HDAC3: variants seen among roughly 807,000 people sequenced by gnomAD.
HDAC3 encodes the protein SMAP45.
In HDAC3, 21 loss-of-function variants were observed where a neutral mutation model predicts 62.3. That is an observed-to-expected ratio of 0.34 (90% CI 0.24 to 0.49). The LOEUF (loss-of-function observed/expected upper bound fraction) is 0.49, where lower values mean the gene tolerates loss of function less well. Ranked by LOEUF, HDAC3 falls within the 20% of genes least tolerant of loss-of-function variation. The pLI is 0.99. For missense variants in HDAC3, 270 were observed against 556.9 expected (o/e 0.48, Z 5.19); for synonymous variants, 198 against 206.5 (o/e 0.96, Z 0.35).
In HDAC3 at chr5:141,629,791, G is replaced by T; in HGVS notation, c.421-52C>A. On this transcript the variant is annotated intron_variant, in intron 5 of 14. Coordinates refer to ENST00000305264, the MANE Select transcript of HDAC3 (RefSeq NM_003883.4). This position sits in a 1 kb window ranked among gnomAD's most constrained non-coding sequence, Gnocchi z 5.3. ...GAGAAGAGCAATTCCCCTCCCAGCT[G>T]CCCCCCACCATCATCCTAAACACCT... is the stretch of plus-strand genomic sequence containing the variant. 1 of 1,610,490 alleles carries T rather than the reference G, an allele frequency of 6.2e-7. No individual in the cohort carries two copies.
At position 141,626,345 on chromosome 5, in the gene HDAC3, T is replaced by TA; in HGVS notation, c.831-63dup. Reference sequence around the variant, plus strand: ...TATCAAAAGACAAGGTAAATACCTTTAGGTATTGCCTGAAAGGAGCACAAG... The same window carrying TA: ...TATCAAAAGACAAGGTAAATACCTTTAAGGTATTGCCTGAAAGGAGCACAAG... On this transcript the variant is annotated intron_variant, in intron 10 of 14. Transcript: ENST00000305264. This position sits in a 1 kb window ranked among gnomAD's most constrained non-coding sequence, Gnocchi z 4.6. The TA allele has an allele frequency of 8.2e-7, 1 of 1,218,844 alleles. No homozygotes were observed. Among genetic ancestry groups the TA allele is most frequent in the Non-Finnish European group, 1.2e-6 (1 of 827,230 alleles). 75.5% of individuals were successfully genotyped at this position (1,218,844 alleles called of 1,614,324 possible).
chr5:141,628,678 C>A lies in HDAC3; in HGVS notation c.611-39G>T, dbSNP rs1449095487. 3 of 1,505,294 alleles carry A rather than the reference C, an allele frequency of 2.0e-6. No homozygotes were observed. The highest frequency in any genetic ancestry group is 1.4e-5 in the African/African-American group (1 of 72,616). The allele number at this position is 1,505,294 out of a possible 1,614,324, so 93.2% of individuals were successfully genotyped here. A position where few individuals can be genotyped will look rare whatever the true frequency, so the allele number is the denominator to read the frequency against. On this transcript the variant is annotated intron_variant, in intron 7 of 14. Transcript: ENST00000305264. This position sits in a 1 kb window ranked among gnomAD's most constrained non-coding sequence, Gnocchi z 4.7. ...GGTGGTGGTAGCCACACATGGGAAG[C>A]ACCCACAACCCAGCTGTTTCAGCCC... is the stretch of plus-strand genomic sequence containing the variant.
In HDAC3 at chr5:141,628,608, G is replaced by A; in HGVS notation, c.642C>T (p.Gly214=). Residue 214 remains glycine, a synonymous_variant, in exon 8 of 15, where the codon GGC becomes GGT. Coordinates refer to ENST00000305264, the MANE Select transcript of HDAC3 (RefSeq NM_003883.4). The surrounding 1 kb of genome is among the most constrained non-coding windows in gnomAD (Gnocchi z 4.7). ...GGGGCACGTTCAGACAGTAGTAGCG[G>A]CCACTCTCTGCCCCGACTTCATACA... The part of the protein sequence containing the change: ...GDMYEVGAES[G]RYYCLNVPLR... 6.2e-7 allele frequency: 1 copy of A among 1,614,048 alleles called. No individual in the cohort carries two copies. The highest frequency in any genetic ancestry group is 8.5e-7 in the Non-Finnish European group (1 of 1,179,988).
Position 141,625,990 on chromosome 5 carries a change from G to C in HDAC3, c.979+23C>G, listed in dbSNP as rs200315208. On this transcript the variant is annotated intron_variant, in intron 12 of 14. Coordinates refer to ENST00000305264, the MANE Select transcript of HDAC3 (RefSeq NM_003883.4). This position sits in a 1 kb window ranked among gnomAD's most constrained non-coding sequence, Gnocchi z 4.0. ...GGTGAGAATGGCCTTCCTGTTATGGGGGTGTTGTGGGGTGGTCCTTACCAC... is the reference window on the plus strand; with the variant it reads ...GGTGAGAATGGCCTTCCTGTTATGGCGGTGTTGTGGGGTGGTCCTTACCAC... 5.4e-4 allele frequency: 857 copies of C among 1,594,514 alleles called. 13 individuals carry two copies. The highest frequency in any genetic ancestry group is 2.8e-5 in the Non-Finnish European group (33 of 1,162,392).
rs563223401 is a variant in HDAC3 at position 141,636,190 on chromosome 5, A to G, written c.138+358T>C. ...GAGGGTAAACCTCACACCCTGATAC[A>G]GTGATATCCGCTCCCCTAACCCTAA... On this transcript the variant is annotated intron_variant, in intron 2 of 14. Transcript: ENST00000305264. 41 of 278,284 alleles carry G rather than the reference A, an allele frequency of 1.5e-4. No homozygotes were observed. The South Asian group carries it at 2.3e-3, about 16-fold the overall frequency. 17.2% of individuals were successfully genotyped at this position (278,284 alleles called of 1,614,324 possible).
In HDAC3 at chr5:141,628,207, G is replaced by A; in HGVS notation, c.692-20C>T. 6.2e-7 allele frequency: 1 copy of A among 1,609,248 alleles called. No individual in the cohort carries two copies. The highest frequency in any genetic ancestry group is 8.5e-7 in the Non-Finnish European group (1 of 1,175,656). On this transcript the variant is annotated intron_variant, in intron 8 of 14. Coordinates refer to ENST00000305264, the MANE Select transcript of HDAC3 (RefSeq NM_003883.4). This position sits in a 1 kb window ranked among gnomAD's most constrained non-coding sequence, Gnocchi z 4.7. Reference sequence around the variant, plus strand: ...TGTAACCTGGGAGAGGGCCAAAGATGGGCACCTGGCACCCCAAGGGGATGG... The same window carrying A: ...TGTAACCTGGGAGAGGGCCAAAGATAGGCACCTGGCACCCCAAGGGGATGG...
At position 141,628,647 on chromosome 5, in the gene HDAC3, G is replaced by A; in HGVS notation, c.611-8C>T. On this transcript the variant is annotated splice_region_variant and splice_polypyrimidine_tract_variant and intron_variant, in intron 7 of 14. Coordinates refer to ENST00000305264, the MANE Select transcript of HDAC3 (RefSeq NM_003883.4). This position sits in a 1 kb window ranked among gnomAD's most constrained non-coding sequence, Gnocchi z 4.7. ...CGACTTCATACATGTCACCTGTAGG[G>A]AAGTGGGTGGTGGTAGCCACACATG... 6.2e-7 allele frequency: 1 copy of A among 1,612,414 alleles called. No homozygotes were observed. The highest frequency in any genetic ancestry group is 8.5e-7 in the Non-Finnish European group (1 of 1,178,758).
In HDAC3 at chr5:141,626,309, G is replaced by A; in HGVS notation, c.831-26C>T. On this transcript the variant is annotated intron_variant, in intron 10 of 14. Transcript: ENST00000305264. The surrounding 1 kb of genome is among the most constrained non-coding windows in gnomAD (Gnocchi z 4.6). ...CTGTTAAAAGGAACCAGAGGAAGAT[G>A]TGGAGGAGGTTATCAAAAGACAAGG... 4.4e-6 allele frequency: 7 copies of A among 1,574,422 alleles called. No homozygotes were observed. The highest frequency in any genetic ancestry group is 6.1e-6 in the Non-Finnish European group (7 of 1,144,294).
intron 3 of HDAC3, 90 bp downstream of exon 3, chr5:141,634,721 C>T: frequency 8.1e-7 from 1 of 1,236,466 alleles, no homozygotes; most frequent in Non-Finnish European, 1.1e-6. Context: ...AAGTAGGCCC[C>T]CCTTGAGATC....
At chr5:141,633,410 A>G (rs977520541) in intron 3 of HDAC3, among the ~76,000 whole-genome samples, 1 of 152,212 alleles carries the variant, frequency 6.6e-6, no homozygotes, top group African/African-American at 2.4e-5. Context: ...TAATGATACT[A>G]TGTTTTTTTA....
At position 141,628,789 on chromosome 5, in the gene HDAC3, T is replaced by G. The variant is rs2099904816; in HGVS notation, c.611-150A>C. ...GCCACTAAATCTCTTGCAGCTTGCA[T>G]TCATTGGGCAAATAGTTTTGGGGGA... On this transcript the variant is annotated intron_variant, in intron 7 of 14. Coordinates refer to ENST00000305264, the MANE Select transcript of HDAC3 (RefSeq NM_003883.4). This position sits in a 1 kb window ranked among gnomAD's most constrained non-coding sequence, Gnocchi z 4.7. 3.1e-6 allele frequency: 2 copies of G among 638,866 alleles called. No homozygotes were observed. Among genetic ancestry groups the G allele is most frequent in the Non-Finnish European group, 5.5e-6 (2 of 366,458 alleles). 39.6% of individuals were successfully genotyped at this position (638,866 alleles called of 1,614,324 possible).
At position 141,626,534 on chromosome 5, in the gene HDAC3, A is replaced by C; in HGVS notation, c.831-251T>G. 2.1e-6 allele frequency: 1 copy of C among 479,830 alleles called. No individual in the cohort carries two copies. Among genetic ancestry groups the C allele is most frequent in the Admixed American group, 3.3e-5 (1 of 30,132 alleles). 29.7% of individuals were successfully genotyped at this position (479,830 alleles called of 1,614,324 possible). ...CACCCTCCCTGGCACCCTGCCTGCT[A>C]ATCAACTATTCTCATCAACCCAAGT... On this transcript the variant is annotated intron_variant, in intron 10 of 14. Coordinates refer to ENST00000305264, the MANE Select transcript of HDAC3 (RefSeq NM_003883.4). The surrounding 1 kb of genome is among the most constrained non-coding windows in gnomAD (Gnocchi z 4.6).
chr5:141,631,956 G>A (rs996941821), intron 3 of HDAC3, among the ~76,000 whole-genome samples: 2 of 151,918 alleles, frequency 1.3e-5, no homozygotes, highest in Non-Finnish European at 2.9e-5. Context: ...AGACATAGGG[G>A]AAAGGAGCTG....
At position 141,625,650 on chromosome 5, in the gene HDAC3, GAGA is replaced by G; in HGVS notation, c.1059+32_1059+34del. On this transcript the variant is annotated intron_variant, in intron 13 of 14. Coordinates refer to ENST00000305264, the MANE Select transcript of HDAC3 (RefSeq NM_003883.4). This position sits in a 1 kb window ranked among gnomAD's most constrained non-coding sequence, Gnocchi z 4.0. ...ACCTCTCCTGGGCTCCACCTTTCAG[GAGA>G]AGTTTGTGCTCAGCTTTTCTGAGCT... is the stretch of plus-strand genomic sequence containing the variant. 3 of 1,597,144 alleles carry G rather than the reference GAGA, an allele frequency of 1.9e-6. No homozygotes were observed.
chr5:141,627,499 C>A (rs1453711965), intron 10 of HDAC3, among the ~76,000 whole-genome samples: 1 of 152,226 alleles, frequency 6.6e-6, no homozygotes, highest in Non-Finnish European at 1.5e-5. Flanking sequence ...GAAAAACTTT[C>A]CGAAACCATG....
chr5:141,632,238 T>C lies in HDAC3; in HGVS notation c.282-2113A>G, dbSNP rs566125210. Among the ~76,000 whole-genome samples the C allele has an allele frequency of 3.3e-5, 5 of 152,404 alleles. No individual in the cohort carries two copies. In the South Asian group the frequency reaches 1.0e-3, roughly 32 times the overall value. On this transcript the variant is annotated intron_variant, in intron 3 of 14. Coordinates refer to ENST00000305264, the MANE Select transcript of HDAC3 (RefSeq NM_003883.4). ...TGGGGTTTCACCATGTTGGCCAGGC[T>C]GGTCTTGAACTCCTGACCTTAGGTG... is the stretch of plus-strand genomic sequence containing the variant.
intron 3 of HDAC3, among the ~76,000 whole-genome samples, chr5:141,633,583 T>C (rs945267296): frequency 2.0e-5 from 3 of 152,154 alleles, no homozygotes; most frequent in South Asian, 4.1e-4. Flanking sequence ...CCCAGCACTT[T>C]TGGAGGCTGA....
In HDAC3 at chr5:141,628,067, C is replaced by T. The variant is rs371334550; in HGVS notation, c.765+47G>A. On this transcript the variant is annotated intron_variant, in intron 9 of 14. Transcript: ENST00000305264. The surrounding 1 kb of genome is among the most constrained non-coding windows in gnomAD (Gnocchi z 4.7). Reference sequence around the variant, plus strand: ...AACCTCCTCTTCCCTTGCTCTCTTTCCCCAAGCCCAGGCAGAACACTCCTG... The same window carrying T: ...AACCTCCTCTTCCCTTGCTCTCTTTTCCCAAGCCCAGGCAGAACACTCCTG... The T allele has an allele frequency of 1.2e-5, 19 of 1,605,916 alleles. No individual in the cohort carries two copies. In the African/African-American group the frequency reaches 1.5e-4, roughly 12 times the overall value.
rs2099904266 is a variant in HDAC3 at position 141,625,040 on chromosome 5, C to T, written c.1217+168G>A. ...CTGTTTTAAAATTTTGCAATAAATA[C>T]GTGTTACTTTTGTCATTAAAAATAA... On this transcript the variant is annotated intron_variant, in intron 14 of 14. Transcript: ENST00000305264. This position sits in a 1 kb window ranked among gnomAD's most constrained non-coding sequence, Gnocchi z 4.0. 4.3e-6 allele frequency: 3 copies of T among 690,462 alleles called. No individual in the cohort carries two copies. Among genetic ancestry groups the T allele is most frequent in the South Asian group, 2.1e-5 (1 of 47,426 alleles). The allele number at this position is 690,462 out of a possible 1,614,324, so 42.8% of individuals were successfully genotyped here.
Sources: allele counts gnomAD v4.1 joint callset (sites outside exome capture counted in the v4.1 genomes callset), GRCh38; gene constraint gnomAD v4.1.1; non-coding constraint Gnocchi (gnomAD v3.1); transcripts MANE v1.5; gene names NCBI Gene and HGNC (gene_info 2026-07-23, HGNC 2026-07-21).